The following PRMT8 variants were observed in gnomAD, a reference collection of about 807,000 sequenced individuals.
PRMT8 encodes protein arginine N-methyltransferase 8.
A neutral mutation model predicts 47.1 loss-of-function variants in PRMT8; 7 were observed. That is an observed-to-expected ratio of 0.15 (90% CI 0.08 to 0.28). The LOEUF is 0.28. Among genes scored for constraint, PRMT8 ranks in the 10% least tolerant of loss-of-function variants. PRMT8 has a pLI of 1.00. For missense variants in PRMT8, 237 were observed against 505.4 expected (o/e 0.47, Z 5.09); for synonymous variants, 188 against 186.5 (o/e 1.01, Z -0.07).
At chr12:3,562,048 G>C (rs920167092) in intron 4 of PRMT8, among the ~76,000 whole-genome samples, 1 of 152,136 alleles carries the variant, frequency 6.6e-6, no homozygotes, top group South Asian at 2.1e-4. Context: ...ACAAACCAGG[G>C]CTTCTATCTC....
intron 4 of PRMT8, among the ~76,000 whole-genome samples, chr12:3,560,927 A>C (rs1025990346): frequency 6.6e-6 from 1 of 152,208 alleles, no homozygotes; most frequent in African/African-American, 2.4e-5. Flanking sequence ...TGCCTGATAT[A>C]GGGCCTCACA....
rs1864973500 is a variant in PRMT8, at chr12:3,456,413, C to T, written c.48+74971C>T. 6.6e-6 allele frequency among the ~76,000 whole-genome samples: 1 copy of T among 152,196 alleles called. No homozygotes were observed. The highest frequency in any genetic ancestry group is 2.1e-4 in the South Asian group (1 of 4,830). On this transcript the variant is annotated intron_variant, in intron 1 of 9. Transcript: ENST00000452611. This position sits in a 1 kb window ranked among gnomAD's most constrained non-coding sequence, Gnocchi z 4.2. ...AGCACCCACATATCCATCACCCACA[C>T]TGTTTTCGACAGAATTTCAAGGAAC...
At chr12:3,507,357 G>A (rs897603777) in intron 1 of PRMT8, among the ~76,000 whole-genome samples, 13 of 152,140 alleles carry the variant, frequency 8.5e-5, no homozygotes, top group East Asian at 7.7e-4. Context: ...TCCTGACCTC[G>A]TGATCCGCCC....
chr12:3,511,331 G>A (rs140091444), intron 1 of PRMT8, among the ~76,000 whole-genome samples: 2 of 152,318 alleles, frequency 1.3e-5, no homozygotes, highest in African/African-American at 4.8e-5. Context: ...GGCATAGAAG[G>A]TGGAGGTTTG....
intron 7 of PRMT8, among the ~76,000 whole-genome samples, chr12:3,579,961 A>T (rs1036022293): frequency 6.6e-6 from 1 of 151,954 alleles, no homozygotes; most frequent in East Asian, 1.9e-4. Context: ...AGAAAAGAGG[A>T]AGCCTCCTAG....
chr12:3,406,883 C>G (rs1864377596), intron 1 of PRMT8, among the ~76,000 whole-genome samples: 1 of 152,182 alleles, frequency 6.6e-6, no homozygotes, highest in African/African-American at 2.4e-5. Context: ...TTACCCAGTT[C>G]CAAAGTCACT....
chr12:3,382,005 G>C (rs1322256455), intron 1 of PRMT8, among the ~76,000 whole-genome samples: 3 of 152,072 alleles, frequency 2.0e-5, no homozygotes, highest in African/African-American at 7.2e-5. Context: ...TGACTTTTTT[G>C]GTTTCACTCA....
chr12:3,479,565 T>G (rs543348387), intron 1 of PRMT8, among the ~76,000 whole-genome samples: 1 of 152,150 alleles, frequency 6.6e-6, no homozygotes, highest in South Asian at 2.1e-4. Context: ...TCGTCTCAAT[T>G]TTTTAAGAAA....
chr12:3,423,238 C>G (rs769671911), intron 1 of PRMT8, among the ~76,000 whole-genome samples: 19 of 152,180 alleles, frequency 1.2e-4, no homozygotes, highest in Admixed American at 2.0e-4. Flanking sequence ...GGTTAAAATT[C>G]CCACAGACCC....
At chr12:3,465,042 G>C (rs1040780624) in intron 1 of PRMT8, among the ~76,000 whole-genome samples, 1 of 150,672 alleles carries the variant, frequency 6.6e-6, no homozygotes, top group African/African-American at 2.4e-5. Flanking sequence ...TTAAACCCAG[G>C]AGGCGGAGGT....
rs755939268 is a variant in PRMT8, at chr12:3,497,504, C to T, written c.75+5804C>T. Among the ~76,000 whole-genome samples the T allele has an allele frequency of 2.5e-4, 38 of 152,206 alleles. 1 individual carries two copies. The highest frequency in any genetic ancestry group is 4.9e-4 in the Non-Finnish European group (33 of 68,038). On this transcript the variant is annotated intron_variant, in intron 1 of 9. Transcript: ENST00000382622. ...TATTCTAAAAAGAGATGAAAACTGGCTGCTACCTTTTCATTTGGGGTTGTC... is the reference window on the plus strand; with the variant it reads ...TATTCTAAAAAGAGATGAAAACTGGTTGCTACCTTTTCATTTGGGGTTGTC...
chr12:3,475,386 T>C (rs1164994523), intron 1 of PRMT8, among the ~76,000 whole-genome samples: 1 of 152,208 alleles, frequency 6.6e-6, no homozygotes, highest in Non-Finnish European at 1.5e-5. Context: ...AAGGACTGAC[T>C]TTTACCACCA....
rs1865451998 is a variant in PRMT8 at position 3,493,250 on chromosome 12, G to A, written c.75+1550G>A. 6.6e-6 allele frequency among the ~76,000 whole-genome samples: 1 copy of A among 152,076 alleles called. No homozygotes were observed. Among genetic ancestry groups the A allele is most frequent in the African/African-American group, 2.4e-5 (1 of 41,390 alleles). ...AGCCCCCACCTGAGAGCAGACATTC[G>A]GAATGATGTGTAGTGCGAGGCGGCT... On this transcript the variant is annotated intron_variant, in intron 1 of 9. Coordinates refer to ENST00000382622, the MANE Select transcript of PRMT8 (RefSeq NM_019854.5). The surrounding 1 kb of genome is among the most constrained non-coding windows in gnomAD (Gnocchi z 8.2).
chr12:3,542,602 C>T lies in PRMT8; in HGVS notation c.261+1811C>T, dbSNP rs117264433. ...GGGAAAAGAGAGCAGTTCCAGGGAC[C>T]CCAAAATGTCTCCTCTTGGGCCTGC... On this transcript the variant is annotated intron_variant, in intron 2 of 9. Transcript: ENST00000382622. Among the ~76,000 whole-genome samples, 582 of 152,294 alleles carry T rather than the reference C, an allele frequency of 3.8e-3. 1 individual carries two copies. The highest frequency in any genetic ancestry group is 6.9e-3 in the Non-Finnish European group (466 of 68,016).
intron 1 of PRMT8, among the ~76,000 whole-genome samples, chr12:3,447,262 T>G (rs2137077635): frequency 6.6e-6 from 1 of 152,322 alleles, no homozygotes; most frequent in African/African-American, 2.4e-5. Context: ...AAGCAGCTAT[T>G]CTCTTCCAAA....
At chr12:3,544,415 G>C (rs1329372167) in intron 2 of PRMT8, among the ~76,000 whole-genome samples, 1 of 152,322 alleles carries the variant, frequency 6.6e-6, no homozygotes, top group South Asian at 2.1e-4. Context: ...CCACTGGGGG[G>C]TCTCCCCATT....
intron 1 of PRMT8, among the ~76,000 whole-genome samples, chr12:3,428,065 C>CT (rs1052959438): frequency 6.6e-6 from 1 of 152,140 alleles, no homozygotes; most frequent in Non-Finnish European, 1.5e-5. Flanking sequence ...GTATAGATGG[C>CT]TTTTTAATTT....
At chr12:3,381,790 C>A (rs1276831754) in intron 1 of PRMT8, among the ~76,000 whole-genome samples, 1 of 152,170 alleles carries the variant, frequency 6.6e-6, no homozygotes, top group Non-Finnish European at 1.5e-5. Context: ...GGAAATTGAC[C>A]TTGAAGTAAT....
intron 1 of PRMT8, among the ~76,000 whole-genome samples, chr12:3,459,572 A>T (rs967752507): frequency 6.6e-6 from 1 of 152,200 alleles, no homozygotes; most frequent in African/African-American, 2.4e-5. Context: ...ATTTATGCAA[A>T]CACTATGCCA....
Sources: gnomAD v4.1 joint callset for allele counts (sites outside exome capture counted in the v4.1 genomes callset) on GRCh38, gnomAD v4.1.1 for gene constraint, Gnocchi (gnomAD v3.1) non-coding constraint, MANE v1.5 for transcripts, NCBI Gene and HGNC (gene_info 2026-07-23, HGNC 2026-07-21) for gene names.